Variants in DOCK3 observed in about 807,000 individuals in gnomAD.
The protein encoded by DOCK3 is dedicator of cytokinesis 3.
DOCK3 carries 60 observed loss-of-function variants against 265.6 expected under a neutral mutation model. That is an observed-to-expected ratio of 0.23 (90% CI 0.18 to 0.28). The LOEUF is 0.28. DOCK3 is among the 10% of genes least tolerant of loss of function. DOCK3 has a pLI of 1.00. For synonymous variants in DOCK3, 881 were observed against 938.0 expected, an observed-to-expected ratio of 0.94 and a Z score of 1.11; for missense variants, 1,981 against 2,594.3, an observed-to-expected ratio of 0.76 and a Z score of 5.14.
intron 27 of DOCK3, among the ~76,000 whole-genome samples, chr3:51,302,011 C>T (rs2082385931): frequency 6.6e-6 from 1 of 152,074 alleles, no homozygotes; most frequent in South Asian, 2.1e-4. Context: ...AGTGATCTGT[C>T]TAATATTGAC....
intron 27 of DOCK3, among the ~76,000 whole-genome samples, chr3:51,298,409 T>A (rs1489264408): frequency 6.6e-6 from 1 of 152,252 alleles, no homozygotes; most frequent in Non-Finnish European, 1.5e-5. Context: ...TTTTAAATTT[T>A]AATTTTGATT....
intron 5 of DOCK3, among the ~76,000 whole-genome samples, chr3:51,057,919 A>G (rs1157945124): frequency 6.6e-6 from 1 of 152,218 alleles, no homozygotes; most frequent in Non-Finnish European, 1.5e-5. Context: ...ATTGAAAAAA[A>G]TTGTGTAATT....
chr3:51,323,060 A>G (rs113858981), intron 32 of DOCK3, among the ~76,000 whole-genome samples: 2,862 of 152,292 alleles, frequency 0.019, 95 homozygotes, highest in African/African-American at 0.066. Flanking sequence ...GAACTGCATT[A>G]CATAATGGTA....
chr3:51,222,610 A>C (rs548374731), intron 14 of DOCK3, among the ~76,000 whole-genome samples: 1 of 152,204 alleles, frequency 6.6e-6, no homozygotes, highest in African/African-American at 2.4e-5. Context: ...CTAATACCTA[A>C]CCTGACTGAG....
intron 27 of DOCK3, among the ~76,000 whole-genome samples, chr3:51,288,412 A>T (rs903281373): frequency 7.4e-6 from 1 of 135,134 alleles, no homozygotes; most frequent in Admixed American, 7.6e-5. Flanking sequence ...AAAAAAAAAA[A>T]TTAAGAGAAC....
intron 12 of DOCK3, among the ~76,000 whole-genome samples, chr3:51,200,913 G>C (rs867996957): frequency 2.6e-5 from 4 of 151,826 alleles, no homozygotes; most frequent in Admixed American, 2.0e-4. Flanking sequence ...AATTTCATAT[G>C]CAGCCAAACT....
In DOCK3 at chr3:51,031,200, G is replaced by C. The variant is rs771979139; in HGVS notation, c.316-33248G>C. Reference sequence around the variant, plus strand: ...TTGATCAGCTACTTTGTTGGTAATAGATATTTGGGTAGGTTAGAGCTGAAA... The same window carrying C: ...TTGATCAGCTACTTTGTTGGTAATACATATTTGGGTAGGTTAGAGCTGAAA... On this transcript the variant is annotated intron_variant, in intron 5 of 52. Coordinates refer to ENST00000266037, the MANE Select transcript of DOCK3 (RefSeq NM_004947.5). Among the ~76,000 whole-genome samples, 8 of 152,088 alleles carry C rather than the reference G, an allele frequency of 5.3e-5. 1 individual carries two copies. In the South Asian group the frequency reaches 1.7e-3, roughly 32 times the overall value.
At chr3:51,074,990 C>T (rs143097688) in intron 6 of DOCK3, among the ~76,000 whole-genome samples, 1 of 152,070 alleles carries the variant, frequency 6.6e-6, no homozygotes, top group Non-Finnish European at 1.5e-5. Context: ...GAAACTAATG[C>T]ATAACTAAAC....
chr3:51,278,444 A>T, intron 26 of DOCK3: 5 of 985,262 alleles, frequency 5.1e-6, no homozygotes, highest in Non-Finnish European at 6.0e-6. Flanking sequence ...CAGATGGGAG[A>T]TTACAGTGAT....
chr3:50,754,505 A>G (rs1402813951), intron 1 of DOCK3, among the ~76,000 whole-genome samples: 1 of 151,838 alleles, frequency 6.6e-6, no homozygotes, highest in Non-Finnish European at 1.5e-5. Context: ...GCACATAAAC[A>G]TATTTGCTGC....
At chr3:50,873,634 T>C (rs1278167527) in intron 3 of DOCK3, among the ~76,000 whole-genome samples, 1 of 152,218 alleles carries the variant, frequency 6.6e-6, no homozygotes, top group Non-Finnish European at 1.5e-5. Flanking sequence ...GTTACAGTCC[T>C]TGTGGCCTAA....
At chr3:51,312,174 A>G in intron 29 of DOCK3, 95 bp downstream of exon 29, 1 of 1,101,138 alleles carries the variant, frequency 9.1e-7, no homozygotes, top group East Asian at 2.6e-5. Context: ...ATAGATTCAT[A>G]GTATCAAACA....
intron 2 of DOCK3, among the ~76,000 whole-genome samples, chr3:50,780,504 A>G (rs1332761240): frequency 6.6e-6 from 1 of 152,216 alleles, no homozygotes; most frequent in Non-Finnish European, 1.5e-5. Flanking sequence ...CAGAGATCAC[A>G]TGGCGAGAGA....
At chr3:51,041,591 T>G (rs943763594) in intron 5 of DOCK3, among the ~76,000 whole-genome samples, 5 of 152,162 alleles carry the variant, frequency 3.3e-5, no homozygotes, top group Non-Finnish European at 7.4e-5. Context: ...GAATAGATCT[T>G]GTGTTAACAG....
intron 4 of DOCK3, 34 bp downstream of exon 4, chr3:50,890,115 T>C: frequency 1.4e-6 from 2 of 1,389,700 alleles, no homozygotes; most frequent in Non-Finnish European, 1.9e-6. Context: ...TTATGTACAA[T>C]TTTTATAGGC....
chr3:51,383,795 A>G lies in DOCK3; in HGVS notation c.*2236A>G, dbSNP rs2088814640. ...TTCATTCTTTCAAGCTTATTTGTAAATACCTATTTGAATGCTGTGTATTTG... is the reference window on the plus strand; with the variant it reads ...TTCATTCTTTCAAGCTTATTTGTAAGTACCTATTTGAATGCTGTGTATTTG... On this transcript the variant is annotated 3_prime_UTR_variant, in exon 53 of 53. Transcript: ENST00000266037. 1 of 152,652 alleles carries G rather than the reference A, an allele frequency of 6.6e-6. No individual in the cohort carries two copies. The highest frequency in any genetic ancestry group is 2.4e-5 in the African/African-American group (1 of 41,458). 9.5% of individuals were successfully genotyped at this position (152,652 alleles called of 1,614,324 possible). A position where few individuals can be genotyped will look rare whatever the true frequency, so the allele number is the denominator to read the frequency against.
At chr3:51,274,430 A>G (rs1009444020) in intron 24 of DOCK3, among the ~76,000 whole-genome samples, 1 of 152,144 alleles carries the variant, frequency 6.6e-6, no homozygotes, top group Non-Finnish European at 1.5e-5. Flanking sequence ...ATACCATTTA[A>G]ATGGAATTTT....
intron 2 of DOCK3, among the ~76,000 whole-genome samples, chr3:50,826,398 C>T (rs2044757458): frequency 6.6e-6 from 1 of 152,124 alleles, no homozygotes; most frequent in Non-Finnish European, 1.5e-5. Context: ...TCTGGGTCTC[C>T]ACAACAAATG....
In DOCK3 at chr3:51,135,098, C is replaced by T. The variant is rs116218743; in HGVS notation, c.747-11451C>T. Among the ~76,000 whole-genome samples, 1,011 of 152,334 alleles carry T rather than the reference C, an allele frequency of 6.6e-3. 6 individuals are homozygous for T. The highest frequency in any genetic ancestry group is 0.023 in the African/African-American group (946 of 41,586). ...TCACATATTTTCTCTGACTTTCAGA[C>T]ATGGGTTTTTAGCTGCCTGTTTTCT... On this transcript the variant is annotated intron_variant, in intron 9 of 52. Coordinates refer to ENST00000266037, the MANE Select transcript of DOCK3 (RefSeq NM_004947.5).
Sources: allele counts gnomAD v4.1 joint callset (sites outside exome capture counted in the v4.1 genomes callset), GRCh38; gene constraint gnomAD v4.1.1; transcripts MANE v1.5; gene names NCBI Gene and HGNC (gene_info 2026-07-23, HGNC 2026-07-21).